The following MACROD2 variants were observed in gnomAD, a reference collection of about 807,000 sequenced individuals.
The protein encoded by MACROD2 is ADP-ribose glycohydrolase MACROD2.
In MACROD2, 36 loss-of-function variants were observed where a neutral mutation model predicts 70.4. That is an observed-to-expected ratio of 0.51 (90% CI 0.39 to 0.68). MACROD2 has a LOEUF of 0.68. MACROD2 is among the 30% of genes least tolerant of loss of function. The pLI is 0.00. For synonymous variants in MACROD2, 172 were observed against 178.8 expected, an observed-to-expected ratio of 0.96 and a Z score of 0.30; for missense variants, 496 against 538.4, an observed-to-expected ratio of 0.92 and a Z score of 0.78.
At chr20:15,573,280 TTAATGAAAATA>T (rs1300977773) in intron 8 of MACROD2, among the ~76,000 whole-genome samples, 3 of 152,316 alleles carry the variant, frequency 2.0e-5, no homozygotes, top group East Asian at 3.9e-4. Flanking sequence ...AGTATTTTTC[TTAATGAAAATA>T]TAATGAAAAT....
In MACROD2 at chr20:14,813,032, C is replaced by T. The variant is rs566084808; in HGVS notation, c.418+128073C>T. Among the ~76,000 whole-genome samples the T allele has an allele frequency of 8.6e-5, 13 of 151,876 alleles. No individual in the cohort carries two copies. In the East Asian group the frequency reaches 1.5e-3, roughly 18 times the overall value. Reference sequence around the variant, plus strand: ...GGGACATGCTTTGCTTACATTTACCCGTTTATTGCAAAGGATATTTTAATT... The same window carrying T: ...GGGACATGCTTTGCTTACATTTACCTGTTTATTGCAAAGGATATTTTAATT... On this transcript the variant is annotated intron_variant, in intron 5 of 17. Transcript: ENST00000684519.
intron 5 of MACROD2, among the ~76,000 whole-genome samples, chr20:14,718,121 C>T (rs867298838): frequency 4.0e-5 from 6 of 151,310 alleles, no homozygotes; most frequent in Non-Finnish European, 5.9e-5. Flanking sequence ...GGTGAAACCC[C>T]GTCTCTACAA....
intron 8 of MACROD2, among the ~76,000 whole-genome samples, chr20:15,764,035 G>T (rs1200088221): frequency 5.3e-5 from 8 of 152,232 alleles, no homozygotes; most frequent in African/African-American, 1.9e-4. Flanking sequence ...AGGGTTGCAG[G>T]GTTTAGAACC....
intron 8 of MACROD2, among the ~76,000 whole-genome samples, chr20:15,649,291 T>C (rs2049608783): frequency 6.6e-6 from 1 of 151,078 alleles, no homozygotes. Flanking sequence ...GATAGCATTG[T>C]TATTTCCACA....
At chr20:15,231,490 CA>C (rs2076958748) in intron 6 of MACROD2, among the ~76,000 whole-genome samples, 1 of 151,858 alleles carries the variant, frequency 6.6e-6, no homozygotes, top group Non-Finnish European at 1.5e-5. Context: ...GAGAAGTTTC[CA>C]ACTTGGAAAA....
At chr20:14,869,495 G>A (rs2122416935) in intron 5 of MACROD2, among the ~76,000 whole-genome samples, 1 of 152,252 alleles carries the variant, frequency 6.6e-6, no homozygotes, top group Non-Finnish European at 1.5e-5. Flanking sequence ...CTGCAGTGCT[G>A]TGAAAGGTGA....
At chr20:14,438,900 T>G (rs2084089028) in intron 3 of MACROD2, among the ~76,000 whole-genome samples, 1 of 151,658 alleles carries the variant, frequency 6.6e-6, no homozygotes. Context: ...TGCAGAAGCT[T>G]TTAAGTTTGA....
At chr20:15,686,229 A>G (rs748337092) in intron 8 of MACROD2, among the ~76,000 whole-genome samples, 4 of 152,188 alleles carry the variant, frequency 2.6e-5, no homozygotes, top group South Asian at 2.1e-4. Flanking sequence ...TTAAATAGAG[A>G]CAGAAAAATA....
intron 5 of MACROD2, among the ~76,000 whole-genome samples, chr20:15,095,490 TTTTTG>T (rs915398825): frequency 2.0e-5 from 3 of 152,086 alleles, no homozygotes; most frequent in South Asian, 2.1e-4. Flanking sequence ...GATTTATAGT[TTTTTG>T]TTTTGTTTTG....
chr20:14,606,228 A>T (rs147292439), intron 4 of MACROD2, among the ~76,000 whole-genome samples: 2,240 of 152,272 alleles, frequency 0.015, 58 homozygotes, highest in African/African-American at 0.051. Context: ...TTAGAGTAAG[A>T]AAAACAAATG....
chr20:15,873,215 T>G (rs1043812565), intron 9 of MACROD2, among the ~76,000 whole-genome samples: 1 of 152,196 alleles, frequency 6.6e-6, no homozygotes, highest in African/African-American at 2.4e-5. Context: ...GAATGTCATG[T>G]ACTATACAAC....
intron 6 of MACROD2, among the ~76,000 whole-genome samples, chr20:15,276,023 C>T (rs1001333777): frequency 2.0e-5 from 3 of 152,102 alleles, no homozygotes; most frequent in Non-Finnish European, 2.9e-5. Flanking sequence ...TTAATCAATA[C>T]GGGATCAGAA....
chr20:14,626,094 G>A (rs576560073), intron 4 of MACROD2, among the ~76,000 whole-genome samples: 1 of 152,252 alleles, frequency 6.6e-6, no homozygotes, highest in Admixed American at 6.5e-5. Context: ...AAAGTGCTGG[G>A]ATTACAGGCG....
chr20:14,180,634 A>C (rs2081298109), intron 3 of MACROD2, among the ~76,000 whole-genome samples: 1 of 152,092 alleles, frequency 6.6e-6, no homozygotes, highest in African/African-American at 2.4e-5. Context: ...CTGCCAGAGA[A>C]AAGTAAAAGT....
chr20:15,116,418 G>A (rs1008691610), intron 5 of MACROD2, among the ~76,000 whole-genome samples: 3 of 152,154 alleles, frequency 2.0e-5, no homozygotes, highest in African/African-American at 7.2e-5. Flanking sequence ...CAAGGCAGGT[G>A]GATCACTTGA....
chr20:15,878,413 T>C (rs796899499), intron 9 of MACROD2, among the ~76,000 whole-genome samples: 1 of 152,050 alleles, frequency 6.6e-6, no homozygotes, highest in South Asian at 2.1e-4. Flanking sequence ...CCCCAGAGCT[T>C]TGGATGCAAT....
chr20:15,117,236 G>A (rs2075997810), intron 5 of MACROD2, among the ~76,000 whole-genome samples: 1 of 152,118 alleles, frequency 6.6e-6, no homozygotes. Context: ...CAACTGAAGA[G>A]TAGATTTTTG....
intron 13 of MACROD2, among the ~76,000 whole-genome samples, 194 bp downstream of exon 13, chr20:15,967,824 A>G (rs1381687818): frequency 6.6e-6 from 1 of 151,830 alleles, no homozygotes; most frequent in Non-Finnish European, 1.5e-5. Context: ...AATCCTCATC[A>G]CTCATTACTT....
At chr20:14,467,257 C>T (rs62204429) in intron 3 of MACROD2, among the ~76,000 whole-genome samples, 22,764 of 152,096 alleles carry the variant, frequency 0.15, 2,427 homozygotes, top group Non-Finnish European at 0.21. Flanking sequence ...CCCCCAGCCT[C>T]GCTGCCACCT....
Sources: gnomAD v4.1 joint callset for allele counts (sites outside exome capture counted in the v4.1 genomes callset) on GRCh38, gnomAD v4.1.1 for gene constraint, MANE v1.5 for transcripts, NCBI Gene and HGNC (gene_info 2026-07-23, HGNC 2026-07-21) for gene names.